Variants in THSD7A observed in about 807,000 individuals in gnomAD.
THSD7A encodes the protein thrombospondin type-1 domain-containing protein 7A.
In THSD7A, 96 loss-of-function variants were observed where a neutral mutation model predicts 231.3. That is an observed-to-expected ratio of 0.41 (90% confidence interval 0.35 to 0.49). The LOEUF (loss-of-function observed/expected upper bound fraction) is 0.49. Ranked by LOEUF, THSD7A falls within the 20% of genes least tolerant of loss-of-function variation. THSD7A has a pLI of 0.05. For missense variants in THSD7A, 2,290 were observed against 2,070.2 expected, an observed-to-expected ratio of 1.11 and a Z score of -2.06; for synonymous variants, 940 against 743.3, an observed-to-expected ratio of 1.26 and a Z score of -4.30.
At position 11,444,031 on chromosome 7, in the gene THSD7A, TAACA is replaced by T. The variant is rs1784884493; in HGVS notation, c.3064+2026_3064+2029del. On this transcript the variant is annotated intron_variant, in intron 13 of 27. Transcript: ENST00000423059. The surrounding 1 kb of genome is among the most constrained non-coding windows in gnomAD (Gnocchi z 4.2). The stretch of plus-strand genomic sequence containing the variant: ...TCTCAAAAGACGACATTTATGTGGC[TAACA>T]AACATATGAAAAAAAGCTCATCATC... Among the ~76,000 whole-genome samples the T allele has an allele frequency of 6.6e-6, 1 of 151,966 alleles. No homozygotes were observed. Among genetic ancestry groups the T allele is most frequent in the Non-Finnish European group, 1.5e-5 (1 of 67,960 alleles).
intron 1 of THSD7A, among the ~76,000 whole-genome samples, chr7:11,749,985 G>A (rs1328198358): frequency 6.6e-6 from 1 of 151,482 alleles, no homozygotes; most frequent in Non-Finnish European, 1.5e-5. Context: ...TATAATAATA[G>A]CTGAGACTAA....
chr7:11,563,859 C>T (rs190928028), intron 4 of THSD7A, among the ~76,000 whole-genome samples: 98 of 152,250 alleles, frequency 6.4e-4, no homozygotes, highest in African/African-American at 1.4e-3. Context: ...GATCATAGAT[C>T]GCATCCTCTT....
intron 1 of THSD7A, among the ~76,000 whole-genome samples, chr7:11,714,942 C>T (rs1781087043): frequency 6.6e-6 from 1 of 151,352 alleles, no homozygotes; most frequent in South Asian, 2.1e-4. Context: ...AAAGAAGGCA[C>T]AGGAGAACAA....
chr7:11,805,570 G>T (rs1171793248), intron 1 of THSD7A, among the ~76,000 whole-genome samples: 2 of 151,958 alleles, frequency 1.3e-5, no homozygotes, highest in African/African-American at 4.8e-5. Context: ...CTTCTTAAAA[G>T]AATATAATTT....
At chr7:11,609,358 A>G (rs1032878168) in intron 2 of THSD7A, among the ~76,000 whole-genome samples, 4 of 152,168 alleles carry the variant, frequency 2.6e-5, no homozygotes, top group African/African-American at 9.7e-5. Flanking sequence ...CATGGGACAC[A>G]ATGTAATAAA....
chr7:11,562,796 G>A (rs554318702), intron 4 of THSD7A, among the ~76,000 whole-genome samples: 1 of 152,248 alleles, frequency 6.6e-6, no homozygotes, highest in South Asian at 2.1e-4. Flanking sequence ...CTGCCATTAT[G>A]TTAGGCATTA....
At position 11,401,966 on chromosome 7, in the gene THSD7A, C is replaced by T. The variant is rs769142764; in HGVS notation, c.4240G>A (p.Asp1414Asn). ...GAAGACCAGTCCTTCAAATAACAGTCACCTGTAAAACACATATTTGTAATT... is the reference window on the plus strand; with the variant it reads ...GAAGACCAGTCCTTCAAATAACAGTTACCTGTAAAACACATATTTGTAATT... ...EESCSQPCPG[D>N]CYLKDWSSWS... The change falls in exon 23 of 28, where the codon GAC (aspartate) becomes AAC (asparagine). Residue 1414 changes from aspartate (D) to asparagine (N), a missense_variant and splice_region_variant. Transcript: ENST00000423059. The T allele has an allele frequency of 6.8e-6, 11 of 1,612,084 alleles. No individual in the cohort carries two copies. The African/African-American group carries it at 1.2e-4, about 18-fold the overall frequency.
Position 11,474,326 on chromosome 7 carries a change from G to A in THSD7A, c.2252+8C>T. 1.2e-6 allele frequency: 2 copies of A among 1,603,650 alleles called. No homozygotes were observed. The highest frequency in any genetic ancestry group is 1.7e-6 in the Non-Finnish European group (2 of 1,173,804). The stretch of plus-strand genomic sequence containing the variant: ...CACGATTTACTGTTGTCATTCTAAA[G>A]CTCTTACTTTTTGGGTCCCACTTGG... On this transcript the variant is annotated splice_region_variant and intron_variant, in intron 8 of 27. Transcript: ENST00000423059. The surrounding 1 kb of genome is among the most constrained non-coding windows in gnomAD (Gnocchi z 4.1).
chr7:11,378,525 C>A (rs1257116742), intron 26 of THSD7A, among the ~76,000 whole-genome samples: 1 of 152,172 alleles, frequency 6.6e-6, no homozygotes, highest in African/African-American at 2.4e-5. Flanking sequence ...AGGGAAGGCT[C>A]CATTGTCTCC....
intron 1 of THSD7A, among the ~76,000 whole-genome samples, chr7:11,664,596 C>A (rs1216915610): frequency 1.3e-5 from 2 of 151,830 alleles, no homozygotes; most frequent in African/African-American, 4.8e-5. Context: ...TTGTATATGG[C>A]CATCAACCAT....
intron 2 of THSD7A, among the ~76,000 whole-genome samples, chr7:11,612,183 C>T (rs1007690716): frequency 1.3e-5 from 2 of 152,226 alleles, no homozygotes; most frequent in Admixed American, 6.5e-5. Flanking sequence ...CTCCATAGCA[C>T]GGCCTAACTG....
chr7:11,787,618 A>C (rs573102556), intron 1 of THSD7A, among the ~76,000 whole-genome samples: 6 of 152,214 alleles, frequency 3.9e-5, no homozygotes, highest in African/African-American at 1.4e-4. Context: ...CGCTACACCA[A>C]AGAAAATATA....
intron 1 of THSD7A, among the ~76,000 whole-genome samples, chr7:11,741,747 C>A (rs6956184): frequency 5.0e-4 from 76 of 151,886 alleles, no homozygotes; most frequent in African/African-American, 1.6e-3. Context: ...TGTTGATGAC[C>A]TAAACAAAGA....
chr7:11,521,574 C>T (rs1359529205), intron 6 of THSD7A, among the ~76,000 whole-genome samples: 1 of 143,070 alleles, frequency 7.0e-6, no homozygotes, highest in Non-Finnish European at 1.5e-5. Context: ...ATGTGCCATG[C>T]TGGTGCGCTG....
At chr7:11,571,969 T>C (rs1790654638) in intron 4 of THSD7A, among the ~76,000 whole-genome samples, 1 of 152,194 alleles carries the variant, frequency 6.6e-6, no homozygotes. Context: ...GATTTTTTTT[T>C]TGGCCATTAT....
intron 1 of THSD7A, among the ~76,000 whole-genome samples, chr7:11,665,450 T>C (rs1783095105): frequency 6.6e-6 from 1 of 152,066 alleles, no homozygotes; most frequent in Non-Finnish European, 1.5e-5. Context: ...TTTTATTGTG[T>C]CCTTAATTGA....
Position 11,375,407 on chromosome 7 carries a change from G to GCCGTATAATTA in THSD7A, c.*386_*387insTAATTATACGG. On this transcript the variant is annotated 3_prime_UTR_variant, in exon 28 of 28. Coordinates refer to ENST00000423059, the MANE Select transcript of THSD7A (RefSeq NM_015204.3). ...CCATAGTATTGTGGAGATCTTGGTA[G>GCCGTATAATTA]AAACTCTTCATGCTAGGAAGTTTTA... The GCCGTATAATTA allele has an allele frequency of 6.1e-6, 1 of 163,136 alleles. No individual in the cohort carries two copies. Among genetic ancestry groups the GCCGTATAATTA allele is most frequent in the Non-Finnish European group, 1.3e-5 (1 of 75,638 alleles). 10.1% of individuals were successfully genotyped at this position (163,136 alleles called of 1,614,324 possible).
chr7:11,471,543 T>C (rs1283963267), intron 8 of THSD7A, among the ~76,000 whole-genome samples: 3 of 152,042 alleles, frequency 2.0e-5, no homozygotes, highest in East Asian at 3.9e-4. Flanking sequence ...TTTATTCAAT[T>C]ATATAGATCA....
chr7:11,661,193 A>T (rs912274985), intron 1 of THSD7A, among the ~76,000 whole-genome samples: 2 of 151,450 alleles, frequency 1.3e-5, no homozygotes, highest in African/African-American at 4.8e-5. Flanking sequence ...AAAGACTAAA[A>T]TTCAGCTTAT....
Sources: gnomAD v4.1 joint callset for allele counts (sites outside exome capture counted in the v4.1 genomes callset) on GRCh38, gnomAD v4.1.1 for gene constraint, Gnocchi (gnomAD v3.1) non-coding constraint, MANE v1.5 for transcripts, NCBI Gene and HGNC (gene_info 2026-07-23, HGNC 2026-07-21) for gene names.